Variants in BRINP2 observed in about 807,000 individuals in gnomAD.
BRINP2 encodes BMP/retinoic acid inducible neural specific 2, also known as BMP/retinoic acid-inducible neural-specific protein 2.
In BRINP2, 21 loss-of-function variants were observed where a neutral mutation model predicts 69.2. The observed-to-expected ratio is 0.30, with a 90% CI of 0.22 to 0.44. The LOEUF (loss-of-function observed/expected upper bound fraction) is 0.44, where lower values mean the gene tolerates loss of function less well. Among genes scored for constraint, BRINP2 ranks in the 20% least tolerant of loss-of-function variants. The pLI is 1.00. For missense variants in BRINP2, 877 were observed against 986.0 expected (o/e 0.89, Z 1.48); for synonymous variants, 380 against 394.1 (o/e 0.96, Z 0.42).
intron 1 of BRINP2, among the ~76,000 whole-genome samples, chr1:177,222,296 G>C (rs1649560653): frequency 6.6e-6 from 1 of 152,112 alleles, no homozygotes; most frequent in African/African-American, 2.4e-5. Flanking sequence ...CTCACCATGG[G>C]CCAGACACCT....
chr1:177,248,498 T>C (rs186031515), intron 2 of BRINP2, among the ~76,000 whole-genome samples: 254 of 151,602 alleles, frequency 1.7e-3, no homozygotes, highest in African/African-American at 6.0e-3. Flanking sequence ...TGCGTGCGTG[T>C]GTGTGTGTGT....
chr1:177,221,844 A>C (rs1649540868), intron 1 of BRINP2, among the ~76,000 whole-genome samples: 1 of 152,240 alleles, frequency 6.6e-6, no homozygotes. Flanking sequence ...TAATCAATGC[A>C]CAGAGCTTTG....
At chr1:177,231,094 G>A (rs1649849780) in intron 2 of BRINP2, among the ~76,000 whole-genome samples, 1 of 152,116 alleles carries the variant, frequency 6.6e-6, no homozygotes, top group African/African-American at 2.4e-5. Flanking sequence ...TTAACATATT[G>A]GCTATGCATT....
intron 1 of BRINP2, among the ~76,000 whole-genome samples, chr1:177,183,418 A>G (rs954599792): frequency 6.6e-6 from 1 of 152,226 alleles, no homozygotes. Context: ...TCAGGCAAAC[A>G]ACAGAAGAAC....
intron 1 of BRINP2, among the ~76,000 whole-genome samples, chr1:177,190,979 TA>T (rs1407674971): frequency 6.6e-6 from 1 of 152,174 alleles, no homozygotes; most frequent in African/African-American, 2.4e-5. Flanking sequence ...ACCAATAGCA[TA>T]AAGCCCAATA....
intron 1 of BRINP2, among the ~76,000 whole-genome samples, chr1:177,190,519 A>G (rs1354102079): frequency 3.3e-5 from 5 of 151,960 alleles, no homozygotes. Context: ...CCCACATACC[A>G]TCTGTTGAGG....
chr1:177,262,357 C>T (rs1650981728), intron 4 of BRINP2, among the ~76,000 whole-genome samples: 1 of 151,962 alleles, frequency 6.6e-6, no homozygotes, highest in Non-Finnish European at 1.5e-5. Context: ...ACTAAAAATA[C>T]AAAAATTAGC....
In BRINP2 at chr1:177,235,660, C is replaced by T. The variant is rs147917703; in HGVS notation, c.269+5515C>T. ...AACAAATACTGATTTGGATAAACAG[C>T]GAACCCTGGGAGAGGCACCATCTCC... On this transcript the variant is annotated intron_variant, in intron 2 of 7. Coordinates refer to ENST00000361539, the MANE Select transcript of BRINP2 (RefSeq NM_021165.4). Among the ~76,000 whole-genome samples, 517 of 152,282 alleles carry T rather than the reference C, an allele frequency of 3.4e-3. 1 individual carries two copies. Among genetic ancestry groups the T allele is most frequent in the Non-Finnish European group, 4.5e-3 (303 of 68,016 alleles).
In BRINP2 at chr1:177,257,128, A is replaced by G. The variant is rs750704836; in HGVS notation, c.461-48A>G. 7 of 1,607,422 alleles carry G rather than the reference A, an allele frequency of 4.4e-6. No homozygotes were observed. The South Asian group carries it at 7.8e-5, about 18-fold the overall frequency. ...GGTTTTATGTTCCTATTGGTAGGGG[A>G]TTCGAGAGCAGAGAGCGTCACCAAT... On this transcript the variant is annotated intron_variant, in intron 3 of 7. Coordinates refer to ENST00000361539, the MANE Select transcript of BRINP2 (RefSeq NM_021165.4).
chr1:177,258,856 A>T (rs556293159), intron 4 of BRINP2, among the ~76,000 whole-genome samples: 1 of 152,336 alleles, frequency 6.6e-6, no homozygotes, highest in East Asian at 1.9e-4. Context: ...TGGTCCACCA[A>T]CTGGCTGTTC....
At chr1:177,212,144 T>C (rs1649242142) in intron 1 of BRINP2, among the ~76,000 whole-genome samples, 1 of 152,182 alleles carries the variant, frequency 6.6e-6, no homozygotes, top group African/African-American at 2.4e-5. Flanking sequence ...GATTAGTATT[T>C]TACTCACTGA....
At chr1:177,240,349 A>AAATTT (rs1444101603) in intron 2 of BRINP2, among the ~76,000 whole-genome samples, 5 of 152,184 alleles carry the variant, frequency 3.3e-5, no homozygotes, top group Non-Finnish European at 5.9e-5. Flanking sequence ...TGTATGTTCT[A>AAATTT]AATTGTGAGT....
At position 177,176,142 on chromosome 1, in the gene BRINP2, T is replaced by A. The variant is rs6681293; in HGVS notation, c.-77+4410T>A. On this transcript the variant is annotated intron_variant, in intron 1 of 7. Transcript: ENST00000361539. ...TCAACAGCCAGTCCCATTATTCCTC[T>A]TACTGAGGCTCACATGAAATGCAAA... Among the ~76,000 whole-genome samples the A allele has an allele frequency of 8.5e-3, 1,298 of 152,264 alleles. 25 individuals are homozygous for A. The highest frequency in any genetic ancestry group is 0.028 in the African/African-American group (1,181 of 41,544).
In BRINP2 at chr1:177,205,483, C is replaced by T. The variant is rs572191580; in HGVS notation, c.-76-24318C>T. 1.0e-3 allele frequency among the ~76,000 whole-genome samples: 154 copies of T among 152,220 alleles called. 2 individuals carry two copies. In the Middle Eastern group the frequency reaches 0.027, roughly 27 times the overall value. On this transcript the variant is annotated intron_variant, in intron 1 of 7. Transcript: ENST00000361539. ...ACAGAATTTCAGTTGAGGAATAAGACGCAAGTAAAGATCAGCTTCATTCCT... is the reference window on the plus strand; with the variant it reads ...ACAGAATTTCAGTTGAGGAATAAGATGCAAGTAAAGATCAGCTTCATTCCT...
intron 2 of BRINP2, among the ~76,000 whole-genome samples, chr1:177,234,968 T>G (rs1649972671): frequency 6.6e-6 from 1 of 152,268 alleles, no homozygotes; most frequent in Non-Finnish European, 1.5e-5. Flanking sequence ...GCAACAACCC[T>G]AAGAAAGAAT....
At chr1:177,272,755 A>C (rs1210362895) in intron 4 of BRINP2, among the ~76,000 whole-genome samples, 9 of 152,370 alleles carry the variant, frequency 5.9e-5, no homozygotes, top group Admixed American at 5.2e-4. Context: ...GATCCTGAGA[A>C]AGGGCCGCAG....
At chr1:177,219,201 G>A (rs560824217) in intron 1 of BRINP2, among the ~76,000 whole-genome samples, 69 of 152,266 alleles carry the variant, frequency 4.5e-4, no homozygotes, top group African/African-American at 1.6e-3. Flanking sequence ...CAGTCTACTT[G>A]TGGAACTTCC....
intron 2 of BRINP2, among the ~76,000 whole-genome samples, chr1:177,234,252 CT>C (rs1649948855): frequency 6.6e-6 from 1 of 152,186 alleles, no homozygotes; most frequent in Non-Finnish European, 1.5e-5. Context: ...GTGAAATGCA[CT>C]TGTTCAAGGT....
rs113708603 is a variant in BRINP2, at chr1:177,216,163, T to C, written c.-76-13638T>C. Among the ~76,000 whole-genome samples, 140 of 152,174 alleles carry C rather than the reference T, an allele frequency of 9.2e-4. 1 individual carries two copies. Among genetic ancestry groups the C allele is most frequent in the South Asian group, 7.9e-3 (38 of 4,826 alleles). ...TTACTATTGCCATTTTGTTAATTGT[T>C]TTCTGGTTGTTTTGTGGATATTTTC... On this transcript the variant is annotated intron_variant, in intron 1 of 7. Coordinates refer to ENST00000361539, the MANE Select transcript of BRINP2 (RefSeq NM_021165.4).
Sources: gnomAD v4.1 joint callset for allele counts (sites outside exome capture counted in the v4.1 genomes callset) on GRCh38, gnomAD v4.1.1 for gene constraint, MANE v1.5 for transcripts, NCBI Gene and HGNC (gene_info 2026-07-23, HGNC 2026-07-21) for gene names.